MATR3: variants seen among roughly 807,000 people sequenced by gnomAD.
MATR3 encodes the protein matrin-3.
MATR3 carries 4 observed loss-of-function variants against 85.5 expected under a neutral mutation model. That is an observed-to-expected ratio of 0.05 (90% CI 0.02 to 0.11). MATR3 has a LOEUF of 0.11. Among genes scored for constraint, MATR3 ranks in the 10% least tolerant of loss-of-function variants. MATR3 has a pLI of 1.00. For synonymous variants in MATR3, 336 were observed against 343.1 expected (o/e 0.98, Z 0.23); for missense variants, 685 against 1,016.1 (o/e 0.67, Z 4.43).
chr5:139,281,482 A>G lies in MATR3; in HGVS notation c.-178+2353A>G, dbSNP rs181992258. ...CTCAGCCACCCAAGTAGCTGGGACT[A>G]TAGTCACACGCCACCACACCTGGCT... On this transcript the variant is annotated intron_variant, in intron 3 of 16. Coordinates refer to ENST00000509990, the Ensembl canonical transcript of MATR3. Among the ~76,000 whole-genome samples, 750 of 150,284 alleles carry G rather than the reference A, an allele frequency of 5.0e-3. 9 individuals are homozygous for G. Among genetic ancestry groups the G allele is most frequent in the African/African-American group, 0.015 (611 of 40,742 alleles).
chr5:139,330,909 G>A lies in MATR3; in HGVS notation c.*1514G>A. The A allele has an allele frequency of 2.2e-6, 1 of 453,906 alleles. No homozygotes were observed. The highest frequency in any genetic ancestry group is 1.6e-5 in the South Asian group (1 of 64,452). The allele number at this position is 453,906 out of a possible 1,614,324, so 28.1% of individuals were successfully genotyped here. A position where few individuals can be genotyped will look rare whatever the true frequency, so the allele number is the denominator to read the frequency against. ...GGGCTCAAATGACCCTCCTACCTCA[G>A]TCTCCTGAGTAGCTGGGACTACAGG... On this transcript the variant is annotated 3_prime_UTR_variant, in exon 15 of 15. Transcript: ENST00000394805.
chr5:139,326,793 A>G (rs1015023434), intron 14 of MATR3, among the ~76,000 whole-genome samples: 10 of 152,198 alleles, frequency 6.6e-5, no homozygotes, highest in Admixed American at 2.0e-4. Context: ...CCCTTGCTAC[A>G]TAACAATTTA....
At chr5:139,309,475 A>T (rs1388525800) in intron 2 of MATR3, among the ~76,000 whole-genome samples, 4 of 152,064 alleles carry the variant, frequency 2.6e-5, no homozygotes, top group African/African-American at 4.8e-5. Context: ...TTTTTTTAGT[A>T]GACTAAATCA....
chr5:139,312,321 C>T (rs1755029555), intron 2 of MATR3: 1 of 152,190 alleles, frequency 6.6e-6, no homozygotes, highest in South Asian at 2.1e-4. Context: ...TGGTCTCAAA[C>T]TCCTGGGCTC....
chr5:139,277,901 G>A (rs1056052985), intron 2 of MATR3, among the ~76,000 whole-genome samples: 1 of 150,780 alleles, frequency 6.6e-6, no homozygotes, highest in Admixed American at 6.7e-5. Flanking sequence ...CTTATATTTT[G>A]TTGTGGTGAA....
chr5:139,301,248 C>G (rs1581225391), intron 1 of MATR3, among the ~76,000 whole-genome samples: 1 of 152,100 alleles, frequency 6.6e-6, no homozygotes, highest in East Asian at 1.9e-4. Context: ...CCCCAAAATT[C>G]AGTATGTATG....
intron 2 of MATR3, chr5:139,311,402 T>A (rs2151969710): frequency 6.6e-6 from 1 of 152,306 alleles, no homozygotes; most frequent in African/African-American, 2.4e-5. Flanking sequence ...TTTATAAAAC[T>A]CTTTCACTTA....
intron 3 of MATR3, among the ~76,000 whole-genome samples, chr5:139,286,997 G>T (rs12054967): frequency 0.51 from 77,138 of 152,110 alleles, 23,371 homozygotes; most frequent in Non-Finnish European, 0.69. Flanking sequence ...GTACTGGCAA[G>T]TGCCTAGTAT....
chr5:139,290,913 ACTTGTATTACC>A (rs1753852859), upstream of MATR3, among the ~76,000 whole-genome samples: 3 of 152,156 alleles, frequency 2.0e-5, no homozygotes, highest in Admixed American at 6.5e-5. Flanking sequence ...ATTAAATAGG[ACTTGTATTACC>A]CAGTTTATCT....
chr5:139,310,912 C>T (rs1009415233), intron 2 of MATR3: 6 of 152,492 alleles, frequency 3.9e-5, no homozygotes, highest in African/African-American at 1.4e-4. Flanking sequence ...AGCAATTCTC[C>T]TGCTTCAGCC....
At chr5:139,293,854 C>T (rs1753980575) in intron 1 of MATR3, 49 bp downstream of exon 1, 3 of 565,288 alleles carry the variant, frequency 5.3e-6, no homozygotes, top group South Asian at 1.7e-4. Context: ...GGGGGTTCTC[C>T]GTGTCCGCCG....
intron 3 of MATR3, chr5:139,279,226 T>C: frequency 2.2e-6 from 1 of 448,022 alleles, no homozygotes; most frequent in Non-Finnish European, 4.5e-6. Flanking sequence ...TTATGTAGAG[T>C]ATCAGACTTT....
At chr5:139,275,380 A>G (rs528707537) in intron 1 of MATR3, among the ~76,000 whole-genome samples, 1 of 151,988 alleles carries the variant, frequency 6.6e-6, no homozygotes, top group African/African-American at 2.4e-5. Context: ...CCAATACTGC[A>G]GTTATTTTTC....
chr5:139,287,869 T>C (rs568941242), intron 3 of MATR3, among the ~76,000 whole-genome samples: 35 of 152,176 alleles, frequency 2.3e-4, no homozygotes, highest in Non-Finnish European at 4.7e-4. Flanking sequence ...TTTTCCATCA[T>C]TGTAGAATGT....
chr5:139,330,405 A>G lies in MATR3; in HGVS notation c.*1010A>G. The G allele has an allele frequency of 2.2e-6, 1 of 454,506 alleles. No homozygotes were observed. Among genetic ancestry groups the G allele is most frequent in the Non-Finnish European group, 4.4e-6 (1 of 226,782 alleles). 28.2% of individuals were successfully genotyped at this position (454,506 alleles called of 1,614,324 possible). ...ACCAATAAAAAGAAAACCCTAGGCC[A>G]TGTTAATTGGTTATACATGTTTGGA... On this transcript the variant is annotated 3_prime_UTR_variant, in exon 15 of 15. Coordinates refer to ENST00000394805, the MANE Select transcript of MATR3 (RefSeq NM_018834.6).
At position 139,318,900 on chromosome 5, in the gene MATR3, A is replaced by G. The variant is rs756691451; in HGVS notation, c.1309-8A>G. On this transcript the variant is annotated splice_polypyrimidine_tract_variant and splice_region_variant and intron_variant, in intron 7 of 14. Transcript: ENST00000394805. The stretch of plus-strand genomic sequence containing the variant: ...AAAACAGAGAAATAACTTTTTGTAT[A>G]ATTTCAGGCATTTATTGAAATGGCA... 2 of 1,607,906 alleles carry G rather than the reference A, an allele frequency of 1.2e-6. No homozygotes were observed. The highest frequency in any genetic ancestry group is 1.7e-6 in the Non-Finnish European group (2 of 1,174,928).
intron 9 of MATR3, among the ~76,000 whole-genome samples, chr5:139,320,430 A>T (rs1039054008): frequency 6.6e-6 from 1 of 152,168 alleles, no homozygotes; most frequent in Non-Finnish European, 1.5e-5. Flanking sequence ...TATTGAGGCC[A>T]CATCTGTACA....
At chr5:139,294,152 G>A in intron 1 of MATR3, 2 of 1,002,984 alleles carry the variant, frequency 2.0e-6, no homozygotes, top group East Asian at 3.3e-5. Context: ...TGTGGGCGGG[G>A]GCGGGACGAC....
chr5:139,303,245 G>T (rs1463883466), intron 1 of MATR3, among the ~76,000 whole-genome samples: 1 of 152,152 alleles, frequency 6.6e-6, no homozygotes, highest in Non-Finnish European at 1.5e-5. Flanking sequence ...GGGACTACAG[G>T]TGCGTGCCAC....
Sources: allele counts gnomAD v4.1 joint callset (sites outside exome capture counted in the v4.1 genomes callset), GRCh38; gene constraint gnomAD v4.1.1; transcripts MANE v1.5; gene names NCBI Gene and HGNC (gene_info 2026-07-23, HGNC 2026-07-21).